Variants in DIP2C observed in about 807,000 individuals in gnomAD.
The protein encoded by DIP2C is disco-interacting protein 2 homolog C.
DIP2C carries 33 observed loss-of-function variants against 192.4 expected under a neutral mutation model. The ratio of observed to expected loss-of-function variants is 0.17; its 90% CI spans 0.13 to 0.23. The LOEUF (loss-of-function observed/expected upper bound fraction) is 0.23, where lower values mean the gene tolerates loss of function less well. Ranked by LOEUF, DIP2C falls within the 10% of genes least tolerant of loss-of-function variation. The probability of loss-of-function intolerance (pLI) is 1.00; values close to 1 mark genes in which losing one functional copy is unlikely to be tolerated. For missense variants in DIP2C, 1,537 were observed against 2,110.1 expected (o/e 0.73, Z 5.32); for synonymous variants, 979 against 864.1 (o/e 1.13, Z -2.33).
At chr10:660,076 G>A (rs1856659767) in intron 1 of DIP2C, among the ~76,000 whole-genome samples, 1 of 152,260 alleles carries the variant, frequency 6.6e-6, no homozygotes, top group Non-Finnish European at 1.5e-5. Context: ...CGTCAGCAGA[G>A]CAGGTCGCTC....
intron 3 of DIP2C, among the ~76,000 whole-genome samples, chr10:451,862 T>C (rs1401534508): frequency 1.3e-5 from 2 of 152,186 alleles, no homozygotes; most frequent in East Asian, 3.8e-4. Context: ...GCGGGTTTTT[T>C]TCCATAAAGG....
chr10:587,186 A>G (rs1851107882), intron 1 of DIP2C, among the ~76,000 whole-genome samples: 1 of 151,210 alleles, frequency 6.6e-6, no homozygotes. Context: ...CGAGGGGCAA[A>G]CAGTGCAGGG....
At chr10:438,420 A>T (rs1221436079) in intron 4 of DIP2C, among the ~76,000 whole-genome samples, 2 of 152,264 alleles carry the variant, frequency 1.3e-5, no homozygotes, top group Admixed American at 1.3e-4. Context: ...TTACACAAAG[A>T]ACACATACAA....
chr10:603,159 G>C (rs1035065475), intron 1 of DIP2C, among the ~76,000 whole-genome samples: 2 of 151,898 alleles, frequency 1.3e-5, no homozygotes, highest in Non-Finnish European at 2.9e-5. Context: ...CATATACTAA[G>C]TATATAAAAC....
intron 31 of DIP2C, chr10:311,498 C>T (rs1382993885): frequency 7.9e-5 from 97 of 1,232,178 alleles, no homozygotes; most frequent in Non-Finnish European, 9.5e-5. Context: ...CGGGGCTGGG[C>T]AGGGAGGCAC....
At chr10:607,682 G>A in intron 1 of DIP2C, among the ~76,000 whole-genome samples, 1 of 152,196 alleles carries the variant, frequency 6.6e-6, no homozygotes, top group East Asian at 1.9e-4. Flanking sequence ...AGTGTGACTA[G>A]TTCACGCCAT....
chr10:476,302 C>T (rs967025639), intron 2 of DIP2C, among the ~76,000 whole-genome samples: 1 of 152,220 alleles, frequency 6.6e-6, no homozygotes, highest in Non-Finnish European at 1.5e-5. Flanking sequence ...CAGCTCAGAT[C>T]CGGTCCTCCG....
At chr10:646,017 A>G (rs1469025220) in intron 1 of DIP2C, among the ~76,000 whole-genome samples, 2 of 152,214 alleles carry the variant, frequency 1.3e-5, no homozygotes, top group African/African-American at 4.8e-5. Flanking sequence ...AGACTTAAAC[A>G]CTTTCTGGAA....
intron 1 of DIP2C, among the ~76,000 whole-genome samples, chr10:683,627 T>C (rs998334304): frequency 6.6e-6 from 1 of 152,132 alleles, no homozygotes; most frequent in Non-Finnish European, 1.5e-5. Flanking sequence ...AAACAGCCAG[T>C]GACGGCAAGC....
chr10:534,799 C>G (rs928397176), intron 1 of DIP2C, among the ~76,000 whole-genome samples: 57 of 151,904 alleles, frequency 3.8e-4, no homozygotes, highest in African/African-American at 1.3e-3. Flanking sequence ...GCCTCAGCCT[C>G]CCGAGTAGCT....
At chr10:600,859 G>A (rs1038073066) in intron 1 of DIP2C, among the ~76,000 whole-genome samples, 1 of 151,442 alleles carries the variant, frequency 6.6e-6, no homozygotes, top group Non-Finnish European at 1.5e-5. Context: ...TTGGCCATCT[G>A]GTCAAAGCTT....
intron 1 of DIP2C, among the ~76,000 whole-genome samples, chr10:514,586 C>A (rs182027324): frequency 1.3e-5 from 2 of 152,318 alleles, no homozygotes; most frequent in Non-Finnish European, 1.5e-5. Flanking sequence ...CCAAGGACCG[C>A]GGGTTCCAGG....
At chr10:515,746 G>GAA (rs762497174) in intron 1 of DIP2C, among the ~76,000 whole-genome samples, 14 of 151,852 alleles carry the variant, frequency 9.2e-5, no homozygotes, top group Non-Finnish European at 1.0e-4. Flanking sequence ...ATAAAAATAA[G>GAA]AAAGCCTTCA....
chr10:575,739 T>C (rs1230435602), intron 1 of DIP2C, among the ~76,000 whole-genome samples: 2 of 152,266 alleles, frequency 1.3e-5, no homozygotes, highest in East Asian at 3.9e-4. Flanking sequence ...CAGGGCAAGC[T>C]ACAGCAGCCT....
rs185472885 is a variant in DIP2C at position 541,594 on chromosome 10, G to A, written c.86-55064C>T. On this transcript the variant is annotated intron_variant, in intron 1 of 36. Coordinates refer to ENST00000280886, the MANE Select transcript of DIP2C (RefSeq NM_014974.3). ...CCCCATCTCTCCTGGATCCCACAGC[G>A]TGACCCTCCACATGACCACACCCAT... 2.9e-3 allele frequency among the ~76,000 whole-genome samples: 309 copies of A among 104,830 alleles called. 1 individual carries two copies. Among genetic ancestry groups the A allele is most frequent in the South Asian group, 5.1e-3 (15 of 2,918 alleles). 68.8% of individuals were successfully genotyped at this position (104,830 alleles called of 152,430 possible).
intron 1 of DIP2C, among the ~76,000 whole-genome samples, chr10:528,672 G>C (rs1000638185): frequency 1.3e-5 from 2 of 152,120 alleles, no homozygotes; most frequent in Non-Finnish European, 2.9e-5. Flanking sequence ...GCACCTGTAG[G>C]GTCCTCTCCT....
chr10:364,997 G>T (rs1336671572), intron 19 of DIP2C: 1 of 533,608 alleles, frequency 1.9e-6, no homozygotes, highest in African/African-American at 1.9e-5. Context: ...TTCATAAAAT[G>T]TTATTTGCCC....
At position 329,421 on chromosome 10, in the gene DIP2C, G is replaced by A; in HGVS notation, c.3753+12C>T. 1 of 1,609,412 alleles carries A rather than the reference G, an allele frequency of 6.2e-7. No homozygotes were observed. Among genetic ancestry groups the A allele is most frequent in the African/African-American group, 1.3e-5 (1 of 74,928 alleles). On this transcript the variant is annotated intron_variant, in intron 30 of 36. Transcript: ENST00000280886. ...GCTCACAGGGCACTGAGCTGCCAAG[G>A]GAGCTGCTTACCTTGAGGGACTCTG...
intron 5 of DIP2C, among the ~76,000 whole-genome samples, chr10:422,581 G>C (rs1293216843): frequency 6.6e-6 from 1 of 152,192 alleles, no homozygotes; most frequent in Non-Finnish European, 1.5e-5. Flanking sequence ...GAAAAGATGG[G>C]AGCGGATACG....
Sources: gnomAD v4.1 joint callset for allele counts (sites outside exome capture counted in the v4.1 genomes callset) on GRCh38, gnomAD v4.1.1 for gene constraint, MANE v1.5 for transcripts, NCBI Gene and HGNC (gene_info 2026-07-23, HGNC 2026-07-21) for gene names.